The following PRKD1 variants were observed in gnomAD, a reference collection of about 807,000 sequenced individuals.
PRKD1 encodes the protein protein kinase D1.
A neutral mutation model predicts 95.9 loss-of-function variants in PRKD1; 63 were observed. The ratio of observed to expected loss-of-function variants is 0.66; its 90% CI spans 0.54 to 0.81. PRKD1 has a LOEUF of 0.81. PRKD1 is among the 30% of genes least tolerant of loss of function. The pLI is 0.00. For missense variants in PRKD1, 1,048 were observed against 1,165.3 expected (o/e 0.90, Z 1.47); for synonymous variants, 425 against 423.1 (o/e 1.00, Z -0.05).
chr14:29,605,696 A>G (rs970437734), intron 13 of PRKD1, among the ~76,000 whole-genome samples: 1 of 152,238 alleles, frequency 6.6e-6, no homozygotes, highest in Non-Finnish European at 1.5e-5. Context: ...TTCCCAGTCA[A>G]TATAAGTCTA....
At chr14:29,860,229 T>G (rs995638118) in intron 1 of PRKD1, among the ~76,000 whole-genome samples, 5 of 152,256 alleles carry the variant, frequency 3.3e-5, no homozygotes, top group Non-Finnish European at 4.4e-5. Context: ...AACAGGCACC[T>G]TGTTTTTTTA....
At chr14:29,755,528 C>A (rs558026508) in intron 1 of PRKD1, among the ~76,000 whole-genome samples, 10 of 152,170 alleles carry the variant, frequency 6.6e-5, no homozygotes, top group African/African-American at 2.4e-4. Flanking sequence ...AACAAACTTA[C>A]CCCTGGTTGA....
chr14:29,710,839 A>T (rs752072660), intron 2 of PRKD1, among the ~76,000 whole-genome samples: 6 of 152,128 alleles, frequency 3.9e-5, no homozygotes, highest in African/African-American at 1.4e-4. Context: ...TTGTTAAAAA[A>T]ATATATATTA....
At chr14:29,877,384 A>G (rs772298098) in intron 1 of PRKD1, among the ~76,000 whole-genome samples, 1 of 152,196 alleles carries the variant, frequency 6.6e-6, no homozygotes, top group Non-Finnish European at 1.5e-5. Flanking sequence ...CAGATGCTGG[A>G]TATTACACCT....
intron 1 of PRKD1, among the ~76,000 whole-genome samples, chr14:29,725,993 G>A (rs1346127084): frequency 6.6e-6 from 1 of 152,096 alleles, no homozygotes. Flanking sequence ...TAGGTGGGAA[G>A]AGGTGTGCAC....
chr14:29,821,981 C>T (rs1347067874), intron 1 of PRKD1, among the ~76,000 whole-genome samples: 1 of 152,044 alleles, frequency 6.6e-6, no homozygotes, highest in Non-Finnish European at 1.5e-5. Flanking sequence ...AATCATCTAC[C>T]CTCTCATAGA....
intron 1 of PRKD1, among the ~76,000 whole-genome samples, chr14:29,866,095 C>T (rs1407713098): frequency 6.6e-6 from 1 of 151,490 alleles, no homozygotes; most frequent in African/African-American, 2.4e-5. Flanking sequence ...ATGTTTATTA[C>T]AGATAAATCA....
At chr14:29,871,533 CCTCT>C (rs1893107492) in intron 1 of PRKD1, among the ~76,000 whole-genome samples, 1 of 152,022 alleles carries the variant, frequency 6.6e-6, no homozygotes, top group Admixed American at 6.6e-5. Flanking sequence ...AGTGACTTGC[CCTCT>C]CTGTGTTTCA....
At position 29,763,659 on chromosome 14, in the gene PRKD1, G is replaced by A. The variant is rs534437301; in HGVS notation, c.265-37985C>T. Among the ~76,000 whole-genome samples the A allele has an allele frequency of 3.9e-5, 6 of 152,232 alleles. No individual in the cohort carries two copies. The South Asian group carries it at 1.2e-3, about 32-fold the overall frequency. On this transcript the variant is annotated intron_variant, in intron 1 of 17. Transcript: ENST00000331968. ...CTATAACCTTGGGTGTTGCCCCAGG[G>A]TCTTCCACAGATGTTCAAAGTAACT...
chr14:29,614,570 T>C (rs975038875), intron 13 of PRKD1, among the ~76,000 whole-genome samples: 4 of 152,174 alleles, frequency 2.6e-5, no homozygotes, highest in African/African-American at 9.7e-5. Flanking sequence ...ATTTACAGAA[T>C]ATTTATCTTA....
chr14:29,653,957 A>G (rs1483416662), intron 4 of PRKD1, among the ~76,000 whole-genome samples: 1 of 152,192 alleles, frequency 6.6e-6, no homozygotes, highest in African/African-American at 2.4e-5. Flanking sequence ...TCAAATTAGC[A>G]GGGAGGAAAA....
intron 1 of PRKD1, among the ~76,000 whole-genome samples, chr14:29,868,782 G>C (rs1304867296): frequency 6.6e-6 from 1 of 152,062 alleles, no homozygotes; most frequent in East Asian, 1.9e-4. Flanking sequence ...TGTTTTCATG[G>C]AACAATGAAA....
intron 3 of PRKD1, 33 bp from the exon 4 acceptor site, chr14:29,663,892 A>C: frequency 1.3e-6 from 2 of 1,593,518 alleles, no homozygotes; most frequent in Non-Finnish European, 1.7e-6. Flanking sequence ...ATTTTTATTG[A>C]ACCATAAATT....
At chr14:29,792,161 A>G (rs1319462654) in intron 1 of PRKD1, among the ~76,000 whole-genome samples, 3 of 152,148 alleles carry the variant, frequency 2.0e-5, no homozygotes, top group Non-Finnish European at 4.4e-5. Flanking sequence ...GTTCCTTCAA[A>G]GTACACAAAA....
chr14:29,689,419 T>C (rs1884097976), intron 2 of PRKD1, among the ~76,000 whole-genome samples: 5 of 152,100 alleles, frequency 3.3e-5, no homozygotes, highest in Admixed American at 3.3e-4. Context: ...TACCATCTCA[T>C]GCCAGTCAGA....
chr14:29,897,047 A>G lies in PRKD1; in HGVS notation c.264+30202T>C, dbSNP rs1894156024. 3.9e-5 allele frequency among the ~76,000 whole-genome samples: 6 copies of G among 152,130 alleles called. No homozygotes were observed. In the South Asian group the frequency reaches 1.2e-3, roughly 32 times the overall value. On this transcript the variant is annotated intron_variant, in intron 1 of 17. Transcript: ENST00000331968. ...GAAAATATCTATGATCCTACTAGCC[A>G]GATAAAACCACTTACAATTTTAGAT...
chr14:29,667,429 C>T (rs1882587434), intron 2 of PRKD1, among the ~76,000 whole-genome samples: 1 of 152,088 alleles, frequency 6.6e-6, no homozygotes, highest in South Asian at 2.1e-4. Context: ...CCTTTCCTTT[C>T]CTCCTCAATT....
At chr14:29,725,409 T>G in intron 2 of PRKD1, 127 bp downstream of exon 2, 1 of 1,165,968 alleles carries the variant, frequency 8.6e-7, no homozygotes, top group South Asian at 1.5e-5. Flanking sequence ...TGGACAGAGC[T>G]CCAACATCTT....
chr14:29,582,512 A>G (rs1892786150), intron 16 of PRKD1, among the ~76,000 whole-genome samples: 1 of 152,188 alleles, frequency 6.6e-6, no homozygotes, highest in African/African-American at 2.4e-5. Context: ...AGTTTCTTCA[A>G]TATGTAGTGT....
Sources: allele counts gnomAD v4.1 joint callset (sites outside exome capture counted in the v4.1 genomes callset), GRCh38; gene constraint gnomAD v4.1.1; transcripts MANE v1.5; gene names NCBI Gene and HGNC (gene_info 2026-07-23, HGNC 2026-07-21).